ZNF324: variants seen among roughly 807,000 people sequenced by gnomAD.
ZNF324 encodes the protein zinc finger protein 324.
ZNF324 carries 3 observed loss-of-function variants against 10.3 expected under a neutral mutation model. The ratio of observed to expected loss-of-function variants is 0.29; its 90% confidence interval spans 0.13 to 0.75. The LOEUF (loss-of-function observed/expected upper bound fraction) is 0.75. Ranked by LOEUF, ZNF324 falls within the 30% of genes least tolerant of loss-of-function variation. ZNF324 has a pLI of 0.69. For missense variants in ZNF324, 763 were observed against 784.4 expected, an observed-to-expected ratio of 0.97 and a Z score of 0.33; for synonymous variants, 430 against 339.5, an observed-to-expected ratio of 1.27 and a Z score of -2.93.
rs746252513 is a variant in ZNF324 at position 58,471,935 on chromosome 19, C to T, written c.1443C>T (p.Phe481=). The T allele has an allele frequency of 2.9e-5, 47 of 1,609,608 alleles. No individual in the cohort carries two copies. The highest frequency in any genetic ancestry group is 3.6e-5 in the Non-Finnish European group (43 of 1,178,856). Residue 481 remains phenylalanine, a synonymous_variant, in exon 4 of 4, where the codon TTC becomes TTT. Transcript: ENST00000196482. ...HRRIHTGEKP[F]VCTQCGRAFR... ...GCATTCACACGGGCGAGAAGCCCTT[C>T]GTGTGTACGCAGTGTGGCCGCGCCT...
intron 2 of ZNF324, 71 bp from the exon 3 acceptor site, chr19:58,469,657 T>C (rs1230043218): frequency 5.5e-6 from 7 of 1,284,196 alleles, no homozygotes; most frequent in Admixed American, 2.0e-5. Flanking sequence ...AAGCCCTGAC[T>C]CCTGCCCTCT....
chr19:58,469,879 C>A (rs201095655), intron 3 of ZNF324, 35 bp downstream of exon 3: 3 of 1,542,244 alleles, frequency 1.9e-6, no homozygotes, highest in Non-Finnish European at 2.7e-6. Flanking sequence ...GAATTCAGGA[C>A]CAACCTGTGG....
chr19:58,469,836 G>A lies in ZNF324; in HGVS notation c.230G>A (p.Arg77His), dbSNP rs543699538. 1.9e-5 allele frequency: 30 copies of A among 1,597,698 alleles called. No individual in the cohort carries two copies. The highest frequency in any genetic ancestry group is 9.4e-5 in the African/African-American group (7 of 74,590). ...TTLSRTTYRR[R>H]NPGSWSLTED... Reference sequence around the variant, plus strand: ...CTGTCCAGGACCACCTACAGGAGGCGCAACCCTGGTGAGAGGGAGCTCAGG... The same window carrying A: ...CTGTCCAGGACCACCTACAGGAGGCACAACCCTGGTGAGAGGGAGCTCAGG... Residue 77 changes from arginine (R) to histidine (H), a missense_variant, in exon 3 of 4, where the codon CGC becomes CAC. Arg to His is a conservative substitution (Grantham distance 29). Coordinates refer to ENST00000196482, the MANE Select transcript of ZNF324 (RefSeq NM_014347.3).
Position 58,471,591 on chromosome 19 carries a change from C to T in ZNF324, c.1099C>T (p.Arg367Cys). The T allele has an allele frequency of 6.3e-7, 1 of 1,596,060 alleles. No homozygotes were observed. The highest frequency in any genetic ancestry group is 8.5e-7 in the Non-Finnish European group (1 of 1,170,840). ...SQHRKIHAGG[R>C]PYACAQCGRR... ...GCACCGCAAGATCCACGCGGGTGGG[C>T]GTCCTTATGCTTGCGCACAGTGTGG... Residue 367 changes from arginine (R) to cysteine (C), a missense_variant, in exon 4 of 4, where the codon CGT becomes TGT. By Grantham distance (180) the Arg-to-Cys change is radical (BLOSUM62 -3). Coordinates refer to ENST00000196482, the MANE Select transcript of ZNF324 (RefSeq NM_014347.3).
rs775826156 is a variant in ZNF324, at chr19:58,471,641, C to T, written c.1149C>T (p.His383=). Residue 383 remains histidine, a synonymous_variant, in exon 4 of 4, where the codon CAC becomes CAT. Transcript: ENST00000196482. ...QCGRRFCRNS[H]LIQHERTHTG... is the part of the protein sequence containing the mutation. ...GCCGCCGCTTCTGCCGCAACTCGCACCTGATCCAGCACGAGCGTACGCACA... is the reference window on the plus strand; with the variant it reads ...GCCGCCGCTTCTGCCGCAACTCGCATCTGATCCAGCACGAGCGTACGCACA... 1.2e-6 allele frequency: 2 copies of T among 1,611,190 alleles called. No individual in the cohort carries two copies. Among genetic ancestry groups the T allele is most frequent in the African/African-American group, 1.3e-5 (1 of 75,030 alleles).
intron 2 of ZNF324, 88 bp downstream of exon 2, chr19:58,469,394 G>C: frequency 6.5e-7 from 1 of 1,543,988 alleles, no homozygotes; most frequent in Non-Finnish European, 8.8e-7. Context: ...TGGCTGACGA[G>C]CAGGCCTATA....
In ZNF324 at chr19:58,472,115, C is replaced by G. The variant is rs1410409532; in HGVS notation, c.1623C>G (p.Ala541=). ...CGAAGGAAACCGAGCCCACTCCCGC[C>G]TCGGGCCCAGCCGCCGTCTCGCAGC... ...APAKETEPTP[A]SGPAAVSQPA... The change falls in exon 4 of 4, where the codon GCC becomes GCG. Residue 541 remains alanine, a synonymous_variant. Coordinates refer to ENST00000196482, the MANE Select transcript of ZNF324 (RefSeq NM_014347.3). 3.1e-6 allele frequency: 5 copies of G among 1,593,026 alleles called. No individual in the cohort carries two copies. The highest frequency in any genetic ancestry group is 4.3e-6 in the Non-Finnish European group (5 of 1,170,816).
chr19:58,469,711 G>A lies in ZNF324; in HGVS notation c.122-17G>A, dbSNP rs1256134193. ...TTGAGCTGGGGCTGGACTCTAACCT[G>A]CACCTCCTCCTCACAGGACTCTCCA... On this transcript the variant is annotated splice_polypyrimidine_tract_variant and intron_variant, in intron 2 of 3. Transcript: ENST00000196482. 6.4e-7 allele frequency: 1 copy of A among 1,557,786 alleles called. No individual in the cohort carries two copies. The highest frequency in any genetic ancestry group is 1.9e-5 in the Admixed American group (1 of 52,098).
Position 58,470,921 on chromosome 19 carries a change from C to T in ZNF324, c.429C>T (p.Tyr143=). Residue 143 remains tyrosine (Y), a synonymous_variant, in exon 4 of 4, where the codon TAC becomes TAT. Transcript: ENST00000196482. Reference sequence around the variant, plus strand: ...AACCCACGGGGGTGTCGGTGATCTACTGGGAGAGGCTCCTGCTAGGCTCAG... The same window carrying T: ...AACCCACGGGGGTGTCGGTGATCTATTGGGAGAGGCTCCTGCTAGGCTCAG... ...ERKPTGVSVI[Y]WERLLLGSGS... is the part of the protein sequence containing the mutation. 1.9e-6 allele frequency: 3 copies of T among 1,614,232 alleles called. No individual in the cohort carries two copies. In the South Asian group the frequency reaches 3.3e-5, roughly 18 times the overall value.
At position 58,473,431 on chromosome 19, in the gene ZNF324, A is replaced by G. The variant is rs2053056029; in HGVS notation, c.*1277A>G. 6.6e-6 allele frequency: 1 copy of G among 151,698 alleles called. No individual in the cohort carries two copies. Among genetic ancestry groups the G allele is most frequent in the African/African-American group, 2.4e-5 (1 of 41,276 alleles). 9.4% of individuals were successfully genotyped at this position (151,698 alleles called of 1,614,324 possible). On this transcript the variant is annotated 3_prime_UTR_variant, in exon 4 of 4. Coordinates refer to ENST00000196482, the MANE Select transcript of ZNF324 (RefSeq NM_014347.3). ...CCTTAATGGAAAAAAAAAAAAAAAG[A>G]CTACCATCTGCAACTCAGAGTAGGT... is the stretch of plus-strand genomic sequence containing the variant.
rs138043930 is a variant in ZNF324, at chr19:58,471,123, C to G, written c.631C>G (p.Gln211Glu). 47 of 1,613,882 alleles carry G rather than the reference C, an allele frequency of 2.9e-5. No individual in the cohort carries two copies. In the African/African-American group the frequency reaches 3.6e-4, roughly 12 times the overall value. The change falls in exon 4 of 4, where the codon CAG becomes GAG. Residue 211 changes from glutamine (Q) to glutamate (E), a missense_variant. This residue lies in a region of ZNF324 where 379 missense variants were observed against 319.4 expected (regional missense o/e 1.19). Transcript: ENST00000196482. ...EVPGRTFGSAQDLEAAGGRGH... is the reference protein window; with the variant it reads ...EVPGRTFGSAEDLEAAGGRGH... ...CCCTGGGAGAACCTTTGGGAGCGCC[C>G]AGGACCTGGAGGCTGCCGGCGGTCG...
chr19:58,468,518 A>C lies in ZNF324; in HGVS notation c.-6-662A>C, dbSNP rs148672597. 7.4e-4 allele frequency among the ~76,000 whole-genome samples: 112 copies of C among 152,144 alleles called. 2 individuals are homozygous for C. The East Asian group carries it at 0.016, about 21-fold the overall frequency. The stretch of plus-strand genomic sequence containing the variant: ...CTCAGGCTGGATGAGCAGCCTGGAA[A>C]TGTCAGGCAAGCAGGCTCAGCAGGG... On this transcript the variant is annotated intron_variant, in intron 1 of 3. Transcript: ENST00000196482.
rs950357798 is a variant in ZNF324, at chr19:58,471,887, C to T, written c.1395C>T (p.Gly465=). Residue 465 remains glycine (G), a synonymous_variant, in exon 4 of 4, where the codon GGC becomes GGT. Transcript: ENST00000196482. ...CVDCGKAFAK[G]AVLLSHRRIH... Reference sequence around the variant, plus strand: ...ACTGTGGCAAGGCCTTCGCCAAGGGCGCCGTGCTGCTCAGCCACCGGCGCA... The same window carrying T: ...ACTGTGGCAAGGCCTTCGCCAAGGGTGCCGTGCTGCTCAGCCACCGGCGCA... 2 of 1,611,602 alleles carry T rather than the reference C, an allele frequency of 1.2e-6. No homozygotes were observed. The highest frequency in any genetic ancestry group is 8.5e-7 in the Non-Finnish European group (1 of 1,179,578).
In ZNF324 at chr19:58,471,286, T is replaced by C. The variant is rs1305281919; in HGVS notation, c.794T>C (p.Val265Ala). The C allele has an allele frequency of 1.9e-6, 3 of 1,613,628 alleles. No homozygotes were observed. The highest frequency in any genetic ancestry group is 2.5e-6 in the Non-Finnish European group (3 of 1,179,956). Reference protein sequence around the residue: ...KSFECRACSKVFVKSSDLLKH... With the variant: ...KSFECRACSKAFVKSSDLLKH... ...TTCGAATGCAGGGCGTGCAGCAAAG[T>C]GTTCGTGAAGAGCTCCGACCTCCTC... The change falls in exon 4 of 4, where the codon GTG becomes GCG. Residue 265 changes from valine to alanine, a missense_variant. Around this residue, in one of 3 missense-constraint regions of ZNF324, gnomAD observed 153 missense variants for 269.0 expected, o/e 0.57. Coordinates refer to ENST00000196482, the MANE Select transcript of ZNF324 (RefSeq NM_014347.3).
chr19:58,470,259 C>T lies in ZNF324; in HGVS notation c.238+415C>T, dbSNP rs57158557. 5.6e-3 allele frequency among the ~76,000 whole-genome samples: 855 copies of T among 152,240 alleles called. 7 individuals are homozygous for T. Among genetic ancestry groups the T allele is most frequent in the African/African-American group, 0.019 (786 of 41,524 alleles). On this transcript the variant is annotated intron_variant, in intron 3 of 3. Coordinates refer to ENST00000196482, the MANE Select transcript of ZNF324 (RefSeq NM_014347.3). Reference sequence around the variant, plus strand: ...AGCCTCAATCAGGACGACCCTGGTCCTGCTTTTCTGGGGCTCATGGTGTGG... The same window carrying T: ...AGCCTCAATCAGGACGACCCTGGTCTTGCTTTTCTGGGGCTCATGGTGTGG...
Position 58,471,503 on chromosome 19 carries a change from C to G in ZNF324, c.1011C>G (p.Ala337=). 1 of 1,579,344 alleles carries G rather than the reference C, an allele frequency of 6.3e-7. No homozygotes were observed. The highest frequency in any genetic ancestry group is 8.6e-7 in the Non-Finnish European group (1 of 1,160,556). The change falls in exon 4 of 4, where the codon GCC becomes GCG. Residue 337 remains alanine (A), a synonymous_variant. Coordinates refer to ENST00000196482, the MANE Select transcript of ZNF324 (RefSeq NM_014347.3). ...TGCGGCACCAGCGCATCCACACGGCCGAGAAGTCCTTCCGCTGCTCCGAGT... is the reference window on the plus strand; with the variant it reads ...TGCGGCACCAGCGCATCCACACGGCGGAGAAGTCCTTCCGCTGCTCCGAGT... The part of the protein sequence containing the change: ...SLVRHQRIHT[A]EKSFRCSECG...
intron 1 of ZNF324, chr19:58,467,512 G>A (rs547176869): frequency 6.6e-6 from 1 of 152,444 alleles, no homozygotes; most frequent in East Asian, 1.9e-4. Flanking sequence ...ACAAGCCCGC[G>A]TCGGGGAAGC....
chr19:58,472,348 A>C lies in ZNF324; in HGVS notation c.*194A>C. The C allele has an allele frequency of 5.0e-6, 3 of 604,566 alleles. No homozygotes were observed. The highest frequency in any genetic ancestry group is 8.5e-6 in the Non-Finnish European group (3 of 352,018). 37.5% of individuals were successfully genotyped at this position (604,566 alleles called of 1,614,324 possible). On this transcript the variant is annotated 3_prime_UTR_variant, in exon 4 of 4. Transcript: ENST00000196482. ...CCCACAGATCACACCTCCATCCCCA[A>C]AGAGGTAGCACTGCAGCAACATCAG...
chr19:58,469,332 T>A (rs140294250), intron 2 of ZNF324, 26 bp downstream of exon 2: 3 of 1,610,082 alleles, frequency 1.9e-6, no homozygotes, highest in Non-Finnish European at 2.5e-6. Context: ...CTCCATGAAA[T>A]GGGCAACTGA....
Sources: allele counts gnomAD v4.1 joint callset (sites outside exome capture counted in the v4.1 genomes callset), GRCh38; gene constraint gnomAD v4.1.1; regional missense constraint gnomAD v4.1.1; transcripts MANE v1.5; gene names NCBI Gene and HGNC (gene_info 2026-07-23, HGNC 2026-07-21).